Variants in SSTR3 observed in about 807,000 individuals in gnomAD.
SSTR3 encodes somatostatin receptor type 3.
For missense variants in SSTR3, 504 were observed against 604.7 expected (o/e 0.83, Z 1.75); for synonymous variants, 281 against 269.2 (o/e 1.04, Z -0.43).
chr22:37,210,637 G>C, intron 1 of SSTR3: 1 of 985,432 alleles, frequency 1.0e-6, no homozygotes, highest in Non-Finnish European at 1.2e-6. Context: ...TCCCTGTCTG[G>C]TTTATCTTTG....
At chr22:37,210,734 A>G in intron 1 of SSTR3, 5 of 985,420 alleles carry the variant, frequency 5.1e-6, no homozygotes, top group Non-Finnish European at 6.0e-6. Flanking sequence ...GGCTGTCCTG[A>G]GCCGCACAGC....
At chr22:37,213,916 G>A (rs1323503775), upstream of SSTR3, among the ~76,000 whole-genome samples, 1 of 152,224 alleles carries the variant, frequency 6.6e-6, no homozygotes, top group African/African-American at 2.4e-5. Flanking sequence ...ATTCCTGCAG[G>A]TTGGGGTATA....
Position 37,211,959 on chromosome 22 carries a change from C to T in SSTR3, c.-171G>A, listed in dbSNP as rs1926216083. ...CCCCACAAGGCACCCACTTCTAGAC[C>T]GCTTGCGGGCTCAGGTTCCCTCCCA... On this transcript the variant is annotated 5_prime_UTR_variant, in exon 1 of 2. Coordinates refer to ENST00000610913, the MANE Select transcript of SSTR3 (RefSeq NM_001051.5). 6 of 985,678 alleles carry T rather than the reference C, an allele frequency of 6.1e-6. No individual in the cohort carries two copies. The South Asian group carries it at 1.4e-4, about 23-fold the overall frequency. 61.1% of individuals were successfully genotyped at this position (985,678 alleles called of 1,614,324 possible). A position where few individuals can be genotyped will look rare whatever the true frequency, so the allele number is the denominator to read the frequency against.
chr22:37,207,422 A>T lies in SSTR3; in HGVS notation c.382T>A (p.Phe128Ile). 1 of 1,613,378 alleles carries T rather than the reference A, an allele frequency of 6.2e-7. No homozygotes were observed. The highest frequency in any genetic ancestry group is 8.5e-7 in the Non-Finnish European group (1 of 1,179,778). ...LVMAVDGINQ[F>I]TSIFCLTVMS... ...ACAGTCAGGCAGAATATGCTGGTGA[A>T]CTGGTTGATGCCATCCACCGCCATG... Residue 128 changes from phenylalanine to isoleucine, a missense_variant, in exon 2 of 2, where the codon TTC becomes ATC. Phe to Ile is a conservative substitution (Grantham distance 21). Coordinates refer to ENST00000610913, the MANE Select transcript of SSTR3 (RefSeq NM_001051.5).
At chr22:37,210,795 C>T in intron 1 of SSTR3, 3 of 985,572 alleles carry the variant, frequency 3.0e-6, no homozygotes, top group Non-Finnish European at 3.6e-6. Flanking sequence ...ATTTGCCCAT[C>T]TCCCACCCGC....
chr22:37,208,072 G>A (rs1925961797), intron 1 of SSTR3, among the ~76,000 whole-genome samples: 1 of 152,192 alleles, frequency 6.6e-6, no homozygotes, highest in South Asian at 2.1e-4. Flanking sequence ...TCAGGGAGGT[G>A]AGGTGATCAT....
intron 1 of SSTR3, 118 bp from the exon 2 acceptor site, chr22:37,207,957 T>G: frequency 7.5e-7 from 1 of 1,339,878 alleles, no homozygotes; most frequent in Non-Finnish European, 9.5e-7. Context: ...GTCTGAGAGA[T>G]TTCAGAAGAT....
intron 1 of SSTR3, chr22:37,210,932 G>A (rs1007218921): frequency 2.8e-5 from 28 of 985,384 alleles, no homozygotes; most frequent in Non-Finnish European, 3.3e-5. Context: ...GCTCCAAGGT[G>A]GGACATTGTC....
At position 37,205,715 on chromosome 22, in the gene SSTR3, G is replaced by C. The variant is rs1045356444; in HGVS notation, c.*832C>G. 1 of 152,288 alleles carries C rather than the reference G, an allele frequency of 6.6e-6. No individual in the cohort carries two copies. Among genetic ancestry groups the C allele is most frequent in the Non-Finnish European group, 1.5e-5 (1 of 68,068 alleles). The allele number at this position is 152,288 out of a possible 1,614,324, so 9.4% of individuals were successfully genotyped here. ...CCCAACATGAGCTTCCTTGGGGATTGGGTGGCTGACCTCAGCAGGGGCAGA... is the reference window on the plus strand; with the variant it reads ...CCCAACATGAGCTTCCTTGGGGATTCGGTGGCTGACCTCAGCAGGGGCAGA... On this transcript the variant is annotated 3_prime_UTR_variant, in exon 2 of 2. Transcript: ENST00000610913.
intron 1 of SSTR3, among the ~76,000 whole-genome samples, chr22:37,208,312 C>T (rs757479987): frequency 4.6e-5 from 7 of 152,214 alleles, no homozygotes; most frequent in Non-Finnish European, 8.8e-5. Flanking sequence ...TCCATGAACG[C>T]CCTAAACTCC....
At chr22:37,211,275 G>T (rs1312913184) in intron 1 of SSTR3, among the ~76,000 whole-genome samples, 1 of 152,202 alleles carries the variant, frequency 6.6e-6, no homozygotes, top group Non-Finnish European at 1.5e-5. Context: ...ATGCTTGCCA[G>T]TGCCGACTGA....
rs765709409 is a variant in SSTR3 at position 37,206,568 on chromosome 22, C to A, written c.1236G>T (p.Thr412=). 2.5e-6 allele frequency: 4 copies of A among 1,608,590 alleles called. No individual in the cohort carries two copies. In the Admixed American group the frequency reaches 6.7e-5, roughly 27 times the overall value. Residue 412 remains threonine (T), a synonymous_variant, in exon 2 of 2, where the codon ACG becomes ACT. Coordinates refer to ENST00000610913, the MANE Select transcript of SSTR3 (RefSeq NM_001051.5). Reference sequence around the variant, plus strand: ...GCCCCTACAGGTAGCTGATGCGCATCGTGCTGGACTTCTCCCCAGTGGAAG... The same window carrying A: ...GCCCCTACAGGTAGCTGATGCGCATAGTGCTGGACTTCTCCCCAGTGGAAG... ...QEASTGEKSS[T]MRISYL
Position 37,212,057 on chromosome 22 carries a change from G to A in SSTR3, c.-269C>T. On this transcript the variant is annotated 5_prime_UTR_variant, in exon 1 of 2. Coordinates refer to ENST00000610913, the MANE Select transcript of SSTR3 (RefSeq NM_001051.5). ...GCCCTGACTTCCCAACCAGAGCCTGGTACGTCACCCCCCATCTCCAGGACA... is the reference window on the plus strand; with the variant it reads ...GCCCTGACTTCCCAACCAGAGCCTGATACGTCACCCCCCATCTCCAGGACA... The A allele has an allele frequency of 5.1e-6, 5 of 985,636 alleles. No homozygotes were observed. Among genetic ancestry groups the A allele is most frequent in the Non-Finnish European group, 6.0e-6 (5 of 830,144 alleles). 61.1% of individuals were successfully genotyped at this position (985,636 alleles called of 1,614,324 possible).
chr22:37,208,719 C>T (rs961504799), intron 1 of SSTR3, among the ~76,000 whole-genome samples: 15 of 152,140 alleles, frequency 9.9e-5, no homozygotes, highest in South Asian at 2.1e-4. Flanking sequence ...CCCATGCCTG[C>T]GCAGAAGAAG....
At chr22:37,215,010 C>G (rs1002516524), upstream of SSTR3, among the ~76,000 whole-genome samples, 1 of 152,186 alleles carries the variant, frequency 6.6e-6, no homozygotes, top group Non-Finnish European at 1.5e-5. Flanking sequence ...CCTTCTCCAA[C>G]ACTCCCTCCT....
Position 37,207,097 on chromosome 22 carries a change from G to A in SSTR3, c.707C>T (p.Ala236Val), listed in dbSNP as rs13056958. Residue 236 changes from alanine (A) to valine (V), a missense_variant, in exon 2 of 2, where the codon GCT becomes GTT. Transcript: ENST00000610913. ...CGAGGGTGCCCACACCCGGCGCCCA[G>A]CTGAGCGCACCTTCACCACGATGAG... is the stretch of plus-strand genomic sequence containing the variant. ...YLLIVVKVRS[A>V]GRRVWAPSCQ... is the part of the protein sequence containing the mutation. 6 of 1,612,560 alleles carry A rather than the reference G, an allele frequency of 3.7e-6. No homozygotes were observed. The highest frequency in any genetic ancestry group is 5.1e-6 in the Non-Finnish European group (6 of 1,179,674).
At chr22:37,215,870 C>G (rs1291354952), upstream of SSTR3, 1 of 279,072 alleles carries the variant, frequency 3.6e-6, no homozygotes, top group Non-Finnish European at 7.9e-6. Context: ...TCACTTGATC[C>G]TGAAAGTCTT....
upstream of SSTR3, among the ~76,000 whole-genome samples, chr22:37,213,684 G>A (rs969634757): frequency 3.3e-5 from 5 of 152,174 alleles, no homozygotes; most frequent in South Asian, 6.2e-4. Context: ...GTGTGGGTGG[G>A]CTCCTGGGAG....
At chr22:37,217,076 C>T (rs1290850163), upstream of SSTR3, among the ~76,000 whole-genome samples, 1 of 152,182 alleles carries the variant, frequency 6.6e-6, no homozygotes. Context: ...GCTGGGATTA[C>T]AGGCGTGAGC....
Sources: allele counts gnomAD v4.1 joint callset (sites outside exome capture counted in the v4.1 genomes callset), GRCh38; gene constraint gnomAD v4.1.1; transcripts MANE v1.5; gene names NCBI Gene and HGNC (gene_info 2026-07-23, HGNC 2026-07-21).